ZBTB44: variants seen among roughly 807,000 people sequenced by gnomAD.
The protein encoded by ZBTB44 is zinc finger and BTB domain-containing protein 44.
ZBTB44 carries 15 observed loss-of-function variants against 54.0 expected under a neutral mutation model. The observed-to-expected ratio is 0.28, with a 90% confidence interval of 0.19 to 0.43. ZBTB44 has a LOEUF of 0.43. ZBTB44 is among the 20% of genes least tolerant of loss of function. The pLI is 1.00. For missense variants in ZBTB44, 487 were observed against 707.1 expected (o/e 0.69, Z 3.53); for synonymous variants, 230 against 250.1 (o/e 0.92, Z 0.76).
rs1329406438 is a variant in ZBTB44, at chr11:130,314,889, T to C, written c.-571A>G. 6.7e-6 allele frequency: 1 copy of C among 149,798 alleles called. No homozygotes were observed. The highest frequency in any genetic ancestry group is 1.5e-5 in the Non-Finnish European group (1 of 67,484). 9.3% of individuals were successfully genotyped at this position (149,798 alleles called of 1,614,324 possible). ...TGCCGCTCCGCTCACTCCAGCCTGT[T>C]TGGGGGCACTTTGTTTGTGTCCCAC... On this transcript the variant is annotated 5_prime_UTR_variant, in exon 1 of 8. Coordinates refer to ENST00000357899, the MANE Select transcript of ZBTB44 (RefSeq NM_001301098.2).
intron 1 of ZBTB44, among the ~76,000 whole-genome samples, chr11:130,297,908 C>T (rs1345408030): frequency 6.6e-6 from 1 of 152,042 alleles, no homozygotes; most frequent in African/African-American, 2.4e-5. Flanking sequence ...TAAAAGCATT[C>T]TCAAATATAT....
intron 1 of ZBTB44, among the ~76,000 whole-genome samples, chr11:130,311,397 T>TG (rs1339724211): frequency 6.6e-6 from 1 of 151,960 alleles, no homozygotes; most frequent in Non-Finnish European, 1.5e-5. Context: ...TTTATAGAGA[T>TG]GGGGTCTCAT....
At chr11:130,273,875 C>T (rs1169097449) in intron 1 of ZBTB44, among the ~76,000 whole-genome samples, 2 of 151,878 alleles carry the variant, frequency 1.3e-5, no homozygotes, top group Non-Finnish European at 2.9e-5. Flanking sequence ...TCGAGACCAG[C>T]CTGGCCAACA....
At chr11:130,295,917 C>A in intron 1 of ZBTB44, 1 of 1,516,360 alleles carries the variant, frequency 6.6e-7, no homozygotes, top group Non-Finnish European at 9.1e-7. Context: ...GTGGCAGTAA[C>A]GGATCTGCTG....
At chr11:130,289,057 T>C (rs772089606) in intron 1 of ZBTB44, among the ~76,000 whole-genome samples, 33 of 152,244 alleles carry the variant, frequency 2.2e-4, no homozygotes, top group African/African-American at 7.0e-4. Flanking sequence ...TAGCAAAAAG[T>C]AGTAAAACAA....
chr11:130,230,045 A>G lies in ZBTB44; in HGVS notation c.*1719T>C, dbSNP rs1036347362. Reference sequence around the variant, plus strand: ...CCACAAATCTCAAACTTCAGCTAAAATATTAAAATTTTAGGATTATTCATT... The same window carrying G: ...CCACAAATCTCAAACTTCAGCTAAAGTATTAAAATTTTAGGATTATTCATT... On this transcript the variant is annotated 3_prime_UTR_variant, in exon 8 of 8. Coordinates refer to ENST00000357899, the MANE Select transcript of ZBTB44 (RefSeq NM_001301098.2). The G allele has an allele frequency of 5.9e-5, 9 of 152,126 alleles. No individual in the cohort carries two copies. The highest frequency in any genetic ancestry group is 2.2e-4 in the African/African-American group (9 of 41,466). 9.4% of individuals were successfully genotyped at this position (152,126 alleles called of 1,614,324 possible).
At chr11:130,241,627 C>T (rs972855207) in intron 2 of ZBTB44, among the ~76,000 whole-genome samples, 1 of 152,166 alleles carries the variant, frequency 6.6e-6, no homozygotes, top group East Asian at 1.9e-4. Context: ...ATACATACTA[C>T]AAATATCTTT....
Position 130,283,297 on chromosome 11 carries a change from C to T in ZBTB44, c.-56-21368G>A, listed in dbSNP as rs867845867. Among the ~76,000 whole-genome samples the T allele has an allele frequency of 7.9e-5, 12 of 152,134 alleles. No homozygotes were observed. In the South Asian group the frequency reaches 1.5e-3, roughly 18 times the overall value. Reference sequence around the variant, plus strand: ...CTGACTTCAAATGATCCACCCGCCTCGGCCTCCCAAAGTGCTGGGATTACA... The same window carrying T: ...CTGACTTCAAATGATCCACCCGCCTTGGCCTCCCAAAGTGCTGGGATTACA... On this transcript the variant is annotated intron_variant, in intron 1 of 7. Coordinates refer to ENST00000357899, the MANE Select transcript of ZBTB44 (RefSeq NM_001301098.2).
At chr11:130,253,155 A>G (rs1938155768) in intron 2 of ZBTB44, among the ~76,000 whole-genome samples, 1 of 142,856 alleles carries the variant, frequency 7.0e-6, no homozygotes. Context: ...AATTGACACA[A>G]GACAGGGATG....
intron 1 of ZBTB44, among the ~76,000 whole-genome samples, chr11:130,275,627 C>T (rs909863430): frequency 2.0e-5 from 3 of 152,002 alleles, no homozygotes; most frequent in Admixed American, 2.0e-4. Context: ...GGTCTCAGAA[C>T]ATAATCTCCA....
intron 1 of ZBTB44, among the ~76,000 whole-genome samples, chr11:130,309,804 A>G (rs1428401121): frequency 4.0e-5 from 6 of 151,686 alleles, no homozygotes; most frequent in Admixed American, 3.9e-4. Context: ...AGGCAGGAGA[A>G]TCGCTTGAAC....
At chr11:130,287,517 CAAACAGAGGT>C (rs1399671554) in intron 1 of ZBTB44, among the ~76,000 whole-genome samples, 1 of 152,090 alleles carries the variant, frequency 6.6e-6, no homozygotes, top group Non-Finnish European at 1.5e-5. Context: ...AAAGTACTAA[CAAACAGAGGT>C]AAGTGTTGGA....
intron 2 of ZBTB44, among the ~76,000 whole-genome samples, chr11:130,243,093 A>C (rs1675538): frequency 0.56 from 85,934 of 152,156 alleles, 27,771 homozygotes; most frequent in South Asian, 0.7. Flanking sequence ...CTGCTATGTC[A>C]CTTTTTATAG....
At chr11:130,299,276 A>G (rs965688431) in intron 1 of ZBTB44, among the ~76,000 whole-genome samples, 10 of 152,360 alleles carry the variant, frequency 6.6e-5, no homozygotes, top group African/African-American at 1.9e-4. Flanking sequence ...ACAGAAAAAA[A>G]TAAGTAATAA....
intron 1 of ZBTB44, among the ~76,000 whole-genome samples, chr11:130,300,602 T>C (rs1387793915): frequency 6.6e-6 from 1 of 152,148 alleles, no homozygotes; most frequent in African/African-American, 2.4e-5. Flanking sequence ...ATACACAGAA[T>C]AACCAGCATA....
At chr11:130,298,118 G>A (rs1401153417) in intron 1 of ZBTB44, among the ~76,000 whole-genome samples, 1 of 151,738 alleles carries the variant, frequency 6.6e-6, no homozygotes, top group Non-Finnish European at 1.5e-5. Flanking sequence ...CAAAATTAAA[G>A]GGAAAGATAA....
chr11:130,236,599 A>T, intron 5 of ZBTB44, 194 bp downstream of exon 5: 1 of 475,594 alleles, frequency 2.1e-6, no homozygotes, highest in Non-Finnish European at 3.4e-6. Context: ...TAAAATGTTT[A>T]TAATTTTATA....
intron 2 of ZBTB44, among the ~76,000 whole-genome samples, chr11:130,257,238 T>TAAAAAAA (rs572669481): frequency 1.4e-4 from 15 of 109,320 alleles, no homozygotes; most frequent in Non-Finnish European, 1.8e-4. Context: ...TCCCAGATCT[T>TAAAAAAA]AAAAAAAAAA....
intron 2 of ZBTB44, among the ~76,000 whole-genome samples, chr11:130,252,866 T>C (rs1449715385): frequency 6.6e-6 from 1 of 152,178 alleles, no homozygotes; most frequent in Admixed American, 6.5e-5. Flanking sequence ...TTATCCACCA[T>C]GATCAAGTGG....
Sources: allele counts gnomAD v4.1 joint callset (sites outside exome capture counted in the v4.1 genomes callset), GRCh38; gene constraint gnomAD v4.1.1; transcripts MANE v1.5; gene names NCBI Gene and HGNC (gene_info 2026-07-23, HGNC 2026-07-21).